The following CACNA2D3 variants were observed in gnomAD, a reference collection of about 807,000 sequenced individuals.
CACNA2D3 encodes calcium voltage-gated channel auxiliary subunit alpha2delta 3.
A neutral mutation model predicts 160.6 loss-of-function variants in CACNA2D3; 60 were observed. The observed-to-expected ratio is 0.37, with a 90% CI of 0.30 to 0.46. The LOEUF (loss-of-function observed/expected upper bound fraction) is 0.46, where lower values mean the gene tolerates loss of function less well. Ranked by LOEUF, CACNA2D3 falls within the 20% of genes least tolerant of loss-of-function variation. The pLI is 1.00. For synonymous variants in CACNA2D3, 558 were observed against 492.9 expected, an observed-to-expected ratio of 1.13 and a Z score of -1.75; for missense variants, 1,205 against 1,365.0, an observed-to-expected ratio of 0.88 and a Z score of 1.85.
At chr3:54,533,723 G>A (rs1192411680) in intron 5 of CACNA2D3, among the ~76,000 whole-genome samples, 1 of 151,936 alleles carries the variant, frequency 6.6e-6, no homozygotes, top group Admixed American at 6.6e-5. Flanking sequence ...AAATATTGGT[G>A]CTCTAAGGTC....
chr3:54,752,420 G>T (rs1350803751), intron 11 of CACNA2D3, among the ~76,000 whole-genome samples, 179 bp from the exon 12 acceptor site: 1 of 152,188 alleles, frequency 6.6e-6, no homozygotes, highest in African/African-American at 2.4e-5. Context: ...AAAGATCAAA[G>T]GCCCCAATTT....
chr3:54,389,865 A>G (rs1699251018), intron 4 of CACNA2D3, among the ~76,000 whole-genome samples: 1 of 152,230 alleles, frequency 6.6e-6, no homozygotes, highest in African/African-American at 2.4e-5. Flanking sequence ...CTGAACTAGA[A>G]AACAAAGTTT....
intron 13 of CACNA2D3, among the ~76,000 whole-genome samples, chr3:54,779,543 C>A (rs1702492790): frequency 6.6e-6 from 1 of 152,190 alleles, no homozygotes; most frequent in Non-Finnish European, 1.5e-5. Flanking sequence ...CAAGTTCTTA[C>A]CATGGTCAAT....
chr3:54,300,536 G>A (rs190019162), intron 2 of CACNA2D3, among the ~76,000 whole-genome samples: 61 of 152,264 alleles, frequency 4.0e-4, no homozygotes, highest in African/African-American at 1.3e-3. Flanking sequence ...ATTCTAATCC[G>A]GTCCATTGTT....
At chr3:54,656,901 C>G (rs1699883229) in intron 11 of CACNA2D3, among the ~76,000 whole-genome samples, 1 of 152,198 alleles carries the variant, frequency 6.6e-6, no homozygotes, top group Non-Finnish European at 1.5e-5. Flanking sequence ...ATCACAGTTT[C>G]ATGCGCGTCC....
chr3:54,742,443 T>A (rs1405259856), intron 11 of CACNA2D3, among the ~76,000 whole-genome samples: 4 of 151,850 alleles, frequency 2.6e-5, no homozygotes, highest in Non-Finnish European at 5.9e-5. Context: ...AATAAATAAA[T>A]AAAATCAAGT....
intron 2 of CACNA2D3, among the ~76,000 whole-genome samples, chr3:54,172,048 A>G (rs186684571): frequency 6.6e-6 from 1 of 152,300 alleles, no homozygotes; most frequent in Non-Finnish European, 1.5e-5. Context: ...CTGACCATGG[A>G]TCTGTCGAGC....
intron 4 of CACNA2D3, among the ~76,000 whole-genome samples, chr3:54,414,937 A>G (rs950053917): frequency 5.3e-5 from 8 of 152,040 alleles, no homozygotes; most frequent in African/African-American, 1.9e-4. Context: ...ATTTTATTAA[A>G]TATTTCAATG....
intron 4 of CACNA2D3, among the ~76,000 whole-genome samples, chr3:54,413,267 A>G (rs904891223): frequency 6.6e-6 from 1 of 151,226 alleles, no homozygotes; most frequent in East Asian, 1.9e-4. Context: ...CAACATTTGT[A>G]TCTTTGTATC....
chr3:54,962,434 A>C (rs1280402874), intron 27 of CACNA2D3, among the ~76,000 whole-genome samples: 1 of 152,212 alleles, frequency 6.6e-6, no homozygotes, highest in Non-Finnish European at 1.5e-5. Context: ...ATTAGCCATG[A>C]AACATAAGAA....
chr3:54,626,091 C>T (rs1699092425), intron 9 of CACNA2D3: 4 of 578,646 alleles, frequency 6.9e-6, no homozygotes, highest in Non-Finnish European at 1.2e-5. Context: ...CCAGTTTCCC[C>T]AGCGGACAAA....
intron 5 of CACNA2D3, among the ~76,000 whole-genome samples, chr3:54,513,664 G>T (rs1382011714): frequency 6.6e-6 from 1 of 151,098 alleles, no homozygotes; most frequent in African/African-American, 2.5e-5. Context: ...GCTATGTCAT[G>T]CCTGTTTTTG....
intron 11 of CACNA2D3, among the ~76,000 whole-genome samples, chr3:54,748,876 A>G (rs1177630295): frequency 1.3e-5 from 2 of 152,218 alleles, no homozygotes; most frequent in Non-Finnish European, 2.9e-5. Flanking sequence ...CCATTAGGGT[A>G]CAGAATCTGT....
chr3:54,661,837 G>GGTGTGT (rs1559542452), intron 11 of CACNA2D3, among the ~76,000 whole-genome samples: 82 of 34,832 alleles, frequency 2.4e-3, no homozygotes, highest in East Asian at 5.3e-3. Context: ...ACATCTCAGG[G>GGTGTGT]ATGTGTGTAT....
chr3:54,391,461 C>T (rs1299530100), intron 4 of CACNA2D3, among the ~76,000 whole-genome samples: 1 of 151,828 alleles, frequency 6.6e-6, no homozygotes, highest in African/African-American at 2.4e-5. Context: ...CCATAGAAAA[C>T]AGATGTGCTT....
At chr3:54,615,722 C>A (rs1281603347) in intron 9 of CACNA2D3, among the ~76,000 whole-genome samples, 1 of 152,062 alleles carries the variant, frequency 6.6e-6, no homozygotes, top group Non-Finnish European at 1.5e-5. Flanking sequence ...AACAAATTAC[C>A]CCTAAACTTA....
chr3:54,253,384 G>C (rs539600256), intron 2 of CACNA2D3, among the ~76,000 whole-genome samples: 1 of 152,258 alleles, frequency 6.6e-6, no homozygotes, highest in Non-Finnish European at 1.5e-5. Context: ...TTACAGTCAT[G>C]GCAGAAGGCA....
rs150401357 is a variant in CACNA2D3 at position 54,506,648 on chromosome 3, G to A, written c.544+2994G>A. Among the ~76,000 whole-genome samples, 36 of 152,302 alleles carry A rather than the reference G, an allele frequency of 2.4e-4. No homozygotes were observed. The East Asian group carries it at 5.8e-3, about 25-fold the overall frequency. On this transcript the variant is annotated intron_variant, in intron 5 of 37. Transcript: ENST00000474759. ...GCTGTGCCCATGGGAACTCAAAGAG[G>A]CATATTCATTGAGTGTTTAGAAATG... is the stretch of plus-strand genomic sequence containing the variant.
intron 2 of CACNA2D3, among the ~76,000 whole-genome samples, chr3:54,152,813 T>C (rs563328791): frequency 3.9e-5 from 6 of 152,242 alleles, no homozygotes; most frequent in Non-Finnish European, 8.8e-5. Flanking sequence ...AAAAAAACTC[T>C]GTGGCTGTGT....
Sources: gnomAD v4.1 joint callset for allele counts (sites outside exome capture counted in the v4.1 genomes callset) on GRCh38, gnomAD v4.1.1 for gene constraint, MANE v1.5 for transcripts, NCBI Gene and HGNC (gene_info 2026-07-23, HGNC 2026-07-21) for gene names.